SOX6: variants seen among roughly 807,000 people sequenced by gnomAD.
SOX6 encodes the protein transcription factor SOX-6.
SOX6 carries 11 observed loss-of-function variants against 97.8 expected under a neutral mutation model. The ratio of observed to expected loss-of-function variants is 0.11; its 90% CI spans 0.07 to 0.19. SOX6 has a LOEUF of 0.19. Among genes scored for constraint, SOX6 ranks in the 10% least tolerant of loss-of-function variants. SOX6 has a pLI of 1.00. For missense variants in SOX6, 810 were observed against 1,039.5 expected (o/e 0.78, Z 3.04); for synonymous variants, 360 against 371.4 (o/e 0.97, Z 0.35).
At chr11:16,652,897 G>T (rs1026454058) in intron 3 of SOX6, among the ~76,000 whole-genome samples, 1 of 151,938 alleles carries the variant, frequency 6.6e-6, no homozygotes. Context: ...AATCTACAAA[G>T]AACTCAAACA....
chr11:16,111,870 C>T lies in SOX6; in HGVS notation c.831G>A (p.Arg277=), dbSNP rs575485047. The T allele has an allele frequency of 1.2e-6, 2 of 1,612,718 alleles. No homozygotes were observed. The highest frequency in any genetic ancestry group is 1.3e-5 in the African/African-American group (1 of 74,996). Residue 277 remains arginine, a synonymous_variant, in exon 7 of 16, where the codon CGG becomes CGA. Transcript: ENST00000683767. ...LMIPIFPHDQ[R]TLAAAAAAQQ... ...GGGCAGCAGCAGCTGCTGCCAGAGT[C>T]CGCTGGTCATGTGGAAAAATTGGGA...
At chr11:16,268,453 A>C (rs1274598280) in intron 3 of SOX6, among the ~76,000 whole-genome samples, 1 of 151,218 alleles carries the variant, frequency 6.6e-6, no homozygotes, top group African/African-American at 2.4e-5. Context: ...AGGGATAAAG[A>C]GGATCATTTC....
At position 16,303,703 on chromosome 11, in the gene SOX6, T is replaced by C. The variant is rs186314429; in HGVS notation, c.445+14743A>G. 2.6e-4 allele frequency among the ~76,000 whole-genome samples: 40 copies of C among 152,296 alleles called. No individual in the cohort carries two copies. In the East Asian group the frequency reaches 7.3e-3, roughly 28 times the overall value. ...GGAACTGCATAAAACATACAGACTA[T>C]TTGGGGGAAAACTGTCATTTTTACC... On this transcript the variant is annotated intron_variant, in intron 3 of 15. Coordinates refer to ENST00000683767, the MANE Select transcript of SOX6 (RefSeq NM_001367873.1).
intron 1 of SOX6, among the ~76,000 whole-genome samples, chr11:16,471,480 C>CCTT (rs919412138): frequency 3.9e-5 from 6 of 151,994 alleles, no homozygotes; most frequent in Non-Finnish European, 5.9e-5. Context: ...TACTAAGAAA[C>CCTT]CTTCCCATGG....
At chr11:16,697,792 G>T (rs777008251) in intron 3 of SOX6, among the ~76,000 whole-genome samples, 29 of 152,190 alleles carry the variant, frequency 1.9e-4, no homozygotes, top group Admixed American at 1.6e-3. Flanking sequence ...TAATCTCCAT[G>T]AACATCTCCA....
chr11:16,461,009 T>C (rs903540170), intron 1 of SOX6, among the ~76,000 whole-genome samples: 5 of 152,148 alleles, frequency 3.3e-5, no homozygotes, highest in African/African-American at 1.2e-4. Flanking sequence ...CCTTTAAAAC[T>C]GTGTCTTTTT....
At chr11:16,410,033 T>C (rs1019001359) in intron 1 of SOX6, among the ~76,000 whole-genome samples, 4 of 152,128 alleles carry the variant, frequency 2.6e-5, no homozygotes, top group Middle Eastern at 3.4e-3. Flanking sequence ...AATAGGGAGA[T>C]GTTGGTTAAA....
In SOX6 at chr11:16,589,363, A is replaced by G. The variant is rs148243284; in HGVS notation, n.609+22718T>C. The stretch of plus-strand genomic sequence containing the variant: ...AAATACAGATTGACAGATTGAGTCT[A>G]TATGTCTTAATGTGCAACATCCAAT... On this transcript the variant is annotated intron_variant and non_coding_transcript_variant, in intron 4 of 5. Transcript: ENST00000524520. Among the ~76,000 whole-genome samples, 905 of 152,344 alleles carry G rather than the reference A, an allele frequency of 5.9e-3. 2 individuals are homozygous for G. The highest frequency in any genetic ancestry group is 9.7e-3 in the Non-Finnish European group (659 of 68,018).
At chr11:16,166,001 T>C (rs1399440792) in intron 6 of SOX6, among the ~76,000 whole-genome samples, 3 of 152,102 alleles carry the variant, frequency 2.0e-5, no homozygotes, top group East Asian at 3.9e-4. Context: ...TACTCAATAT[T>C]AGCTATGTAT....
intron 3 of SOX6, among the ~76,000 whole-genome samples, chr11:16,266,522 T>C (rs1854088534): frequency 6.6e-6 from 1 of 151,592 alleles, no homozygotes; most frequent in Admixed American, 6.6e-5. Context: ...GGGTGTATAT[T>C]TAATTTTTTC....
chr11:16,310,632 T>A (rs1461771684), intron 3 of SOX6, among the ~76,000 whole-genome samples: 2 of 152,134 alleles, frequency 1.3e-5, no homozygotes, highest in African/African-American at 2.4e-5. Flanking sequence ...ACCAAAAGTA[T>A]GAGTGGTCCT....
At chr11:16,312,954 T>C (rs1855650448) in intron 3 of SOX6, 1 of 152,210 alleles carries the variant, frequency 6.6e-6, no homozygotes, top group Non-Finnish European at 1.5e-5. Flanking sequence ...CATTCAATCA[T>C]TCAATCCATC....
chr11:15,974,378 C>CTTTTTTTTTTT (rs35597667), intron 15 of SOX6, among the ~76,000 whole-genome samples: 376 of 85,616 alleles, frequency 4.4e-3, no homozygotes, highest in African/African-American at 5.6e-3. Context: ...TTAGCTCTCT[C>CTTTTTTTTTTT]TTTTTTTTTT....
chr11:16,432,710 G>A (rs1301842221), intron 1 of SOX6, among the ~76,000 whole-genome samples: 1 of 152,004 alleles, frequency 6.6e-6, no homozygotes, highest in Non-Finnish European at 1.5e-5. Flanking sequence ...AAGTTGGGGT[G>A]AAGGATCAAG....
At chr11:16,564,172 A>C (rs1847843607) in intron 4 of SOX6, among the ~76,000 whole-genome samples, 1 of 152,192 alleles carries the variant, frequency 6.6e-6, no homozygotes, top group East Asian at 1.9e-4. Context: ...AGGAAGAAAG[A>C]ATAAGAGAGG....
intron 4 of SOX6, among the ~76,000 whole-genome samples, chr11:16,523,923 A>T (rs1861113277): frequency 6.6e-6 from 1 of 152,222 alleles, no homozygotes; most frequent in Admixed American, 6.5e-5. Flanking sequence ...CCCTCCCAAG[A>T]CTAAACCAGG....
intron 4 of SOX6, among the ~76,000 whole-genome samples, chr11:16,527,650 C>T (rs764011303): frequency 1.3e-5 from 2 of 152,182 alleles, no homozygotes; most frequent in Non-Finnish European, 2.9e-5. Flanking sequence ...GTAACAAATG[C>T]CATATCTGTA....
intron 3 of SOX6, among the ~76,000 whole-genome samples, chr11:16,662,350 T>C (rs1847771678): frequency 6.6e-6 from 1 of 152,198 alleles, no homozygotes; most frequent in South Asian, 2.1e-4. Flanking sequence ...TGTCTGCTTG[T>C]TTGTGAAAAG....
chr11:16,641,936 T>C (rs1230349860), intron 3 of SOX6, among the ~76,000 whole-genome samples: 4 of 152,214 alleles, frequency 2.6e-5, no homozygotes, highest in African/African-American at 9.6e-5. Flanking sequence ...TGTGTGAATT[T>C]GTTCCTGACA....
Sources: allele counts gnomAD v4.1 joint callset (sites outside exome capture counted in the v4.1 genomes callset), GRCh38; gene constraint gnomAD v4.1.1; transcripts MANE v1.5; gene names NCBI Gene and HGNC (gene_info 2026-07-23, HGNC 2026-07-21).